Variants in CABP7 observed in about 807,000 individuals in gnomAD.
CABP7 encodes the protein calcium binding protein 7.
CABP7 carries 13 observed loss-of-function variants against 23.1 expected under a neutral mutation model. The observed-to-expected ratio is 0.56, with a 90% CI of 0.37 to 0.90. The LOEUF (loss-of-function observed/expected upper bound fraction) is 0.90. CABP7 is among the 40% of genes least tolerant of loss of function. The probability of loss-of-function intolerance (pLI) is 0.01; values close to 1 mark genes in which losing one functional copy is unlikely to be tolerated. For missense variants in CABP7, 248 were observed against 295.6 expected (o/e 0.84, Z 1.18); for synonymous variants, 123 against 115.3 (o/e 1.07, Z -0.43).
chr22:29,726,886 G>A (rs1450893730), intron 1 of CABP7, among the ~76,000 whole-genome samples: 1 of 152,242 alleles, frequency 6.6e-6, no homozygotes, highest in African/African-American at 2.4e-5. Context: ...CTGTGTGCCA[G>A]GGAGTCCCCA....
At chr22:29,723,299 G>A (rs917942174) in intron 1 of CABP7, among the ~76,000 whole-genome samples, 1 of 152,128 alleles carries the variant, frequency 6.6e-6, no homozygotes, top group African/African-American at 2.4e-5. Flanking sequence ...AGGGCAGTTG[G>A]CAGGGTAGGA....
In CABP7 at chr22:29,729,467, G is replaced by C; in HGVS notation, c.546G>C (p.Gln182His). The C allele has an allele frequency of 6.2e-7, 1 of 1,611,498 alleles. No homozygotes were observed. Among genetic ancestry groups the C allele is most frequent in the South Asian group, 1.1e-5 (1 of 91,084 alleles). The change falls in exon 5 of 5, where the codon CAG (glutamine) becomes CAC (histidine). Residue 182 changes from glutamine to histidine, a missense_variant. Coordinates refer to ENST00000216144, the MANE Select transcript of CABP7 (RefSeq NM_182527.3). ...VETCSNQQIR[Q>H]TCVRKSLICA... is the part of the protein sequence containing the mutation. The stretch of plus-strand genomic sequence containing the variant: ...CCTGCTCCAACCAGCAGATCCGCCA[G>C]ACTTGCGTGCGCAAGAGTCTCATCT...
intron 2 of CABP7, among the ~76,000 whole-genome samples, chr22:29,728,341 T>C (rs974735965): frequency 7.2e-5 from 11 of 152,240 alleles, no homozygotes; most frequent in Admixed American, 5.2e-4. Flanking sequence ...CGCAGGGTGC[T>C]GGGAGCAACG....
At chr22:29,723,999 G>A (rs1346611747) in intron 1 of CABP7, among the ~76,000 whole-genome samples, 2 of 152,220 alleles carry the variant, frequency 1.3e-5, no homozygotes, top group African/African-American at 4.8e-5. Context: ...TGGAAACCTG[G>A]TGGCCCTGCC....
Position 29,724,148 on chromosome 22 carries a change from C to T in CABP7, c.110-3514C>T, listed in dbSNP as rs150491607. The stretch of plus-strand genomic sequence containing the variant: ...ATGGCACAACGGTGGCAGGAAATCA[C>T]GACACCTGCCCCACTCAGGGAGCCC... On this transcript the variant is annotated intron_variant, in intron 1 of 4. Transcript: ENST00000216144. 1.6e-3 allele frequency among the ~76,000 whole-genome samples: 246 copies of T among 152,342 alleles called. 1 individual carries two copies. Among genetic ancestry groups the T allele is most frequent in the African/African-American group, 5.8e-3 (240 of 41,586 alleles).
At chr22:29,722,093 C>A (rs940456891) in intron 1 of CABP7, among the ~76,000 whole-genome samples, 3 of 152,160 alleles carry the variant, frequency 2.0e-5, no homozygotes, top group Admixed American at 6.5e-5. Flanking sequence ...TCCTGACCAT[C>A]CAAGCAGGAG....
Position 29,729,486 on chromosome 22 carries a change from C to A in CABP7, c.565C>A (p.Leu189Ile). ...CCGCCAGACTTGCGTGCGCAAGAGT[C>A]TCATCTGCGCCTTCGCCATCGCCTT... ...QIRQTCVRKS[L>I]ICAFAIAFII... Residue 189 changes from leucine (L) to isoleucine (I), a missense_variant, in exon 5 of 5, where the codon CTC becomes ATC. Physicochemically the swap from Leu to Ile is conservative, Grantham distance 5. Transcript: ENST00000216144. 6.2e-7 allele frequency: 1 copy of A among 1,612,298 alleles called. No homozygotes were observed. Among genetic ancestry groups the A allele is most frequent in the Non-Finnish European group, 8.5e-7 (1 of 1,179,996 alleles).
At position 29,731,254 on chromosome 22, in the gene CABP7, G is replaced by A; in HGVS notation, c.*1685G>A. ...CCCCACTGGACTCTGGGCTGCAGAG[G>A]CCACCCCCCAGGTGGGGGTGCCCGC... is the stretch of plus-strand genomic sequence containing the variant. On this transcript the variant is annotated 3_prime_UTR_variant, in exon 5 of 5. Transcript: ENST00000216144. 4 of 1,514,148 alleles carry A rather than the reference G, an allele frequency of 2.6e-6. No individual in the cohort carries two copies. The highest frequency in any genetic ancestry group is 3.5e-6 in the Non-Finnish European group (4 of 1,144,764). 93.8% of individuals were successfully genotyped at this position (1,514,148 alleles called of 1,614,324 possible).
intron 1 of CABP7, among the ~76,000 whole-genome samples, chr22:29,725,974 C>T (rs557931933): frequency 2.8e-4 from 42 of 152,324 alleles, no homozygotes; most frequent in African/African-American, 7.9e-4. Flanking sequence ...GCTCACACAT[C>T]CCCTGTGACG....
intron 1 of CABP7, among the ~76,000 whole-genome samples, chr22:29,721,046 C>T (rs2067758370): frequency 6.6e-6 from 1 of 152,184 alleles, no homozygotes; most frequent in Non-Finnish European, 1.5e-5. Flanking sequence ...GGGGCCGCCC[C>T]CGTCCCCACC....
intron 1 of CABP7, among the ~76,000 whole-genome samples, chr22:29,723,905 C>A (rs1159311086): frequency 6.6e-6 from 1 of 152,164 alleles, no homozygotes; most frequent in Admixed American, 6.5e-5. Context: ...CTGCTGGGGA[C>A]TTGGGCCCTG....
rs959815171 is a variant in CABP7, at chr22:29,729,795, C to T, written c.*226C>T. 1.0e-5 allele frequency: 6 copies of T among 593,778 alleles called. No individual in the cohort carries two copies. In the African/African-American group the frequency reaches 1.1e-4, roughly 11 times the overall value. The allele number at this position is 593,778 out of a possible 1,614,324, so 36.8% of individuals were successfully genotyped here. On this transcript the variant is annotated 3_prime_UTR_variant, in exon 5 of 5. Coordinates refer to ENST00000216144, the MANE Select transcript of CABP7 (RefSeq NM_182527.3). The stretch of plus-strand genomic sequence containing the variant: ...GCTCTGAGGATGGTCCCCAGCCCCA[C>T]CCTGTCCCCACCCTGGCCTGTAAGG...
chr22:29,726,448 G>A (rs1228524166), intron 1 of CABP7, among the ~76,000 whole-genome samples: 3 of 152,188 alleles, frequency 2.0e-5, no homozygotes, highest in Non-Finnish European at 4.4e-5. Context: ...CAGTTTCAGG[G>A]TTCATGGACC....
At chr22:29,729,418 G>A (rs779073707) in intron 4 of CABP7, 24 bp from the exon 5 acceptor site, 4 of 1,606,808 alleles carry the variant, frequency 2.5e-6, no homozygotes, top group African/African-American at 1.3e-5. Context: ...CTGTCTCCCC[G>A]GTGCTCCCGG....
intron 2 of CABP7, 125 bp from the exon 3 acceptor site, chr22:29,728,505 C>T (rs888947509): frequency 3.4e-5 from 21 of 610,018 alleles, no homozygotes; most frequent in Admixed American, 3.1e-4. Context: ...TCAGAGAAGG[C>T]GGGCACCTGC....
chr22:29,729,471 T>C lies in CABP7; in HGVS notation c.550T>C (p.Cys184Arg), dbSNP rs1380737079. 1 of 1,611,684 alleles carries C rather than the reference T, an allele frequency of 6.2e-7. No homozygotes were observed. The highest frequency in any genetic ancestry group is 8.5e-7 in the Non-Finnish European group (1 of 1,179,984). The change falls in exon 5 of 5, where the codon TGC becomes CGC. Residue 184 changes from cysteine (C) to arginine (R), a missense_variant. Coordinates refer to ENST00000216144, the MANE Select transcript of CABP7 (RefSeq NM_182527.3). ...CTCCAACCAGCAGATCCGCCAGACT[T>C]GCGTGCGCAAGAGTCTCATCTGCGC... ...TCSNQQIRQT[C>R]VRKSLICAFA... is the part of the protein sequence containing the mutation.
At chr22:29,728,304 G>A (rs2067810631) in intron 2 of CABP7, among the ~76,000 whole-genome samples, 1 of 152,164 alleles carries the variant, frequency 6.6e-6, no homozygotes, top group Non-Finnish European at 1.5e-5. Context: ...TGTCTATATG[G>A]TGGAGGATGG....
At position 29,720,342 on chromosome 22, in the gene CABP7, T is replaced by A; in HGVS notation, c.-83T>A. 1 of 689,280 alleles carries A rather than the reference T, an allele frequency of 1.5e-6. No homozygotes were observed. The highest frequency in any genetic ancestry group is 2.0e-5 in the African/African-American group (1 of 49,538). 42.7% of individuals were successfully genotyped at this position (689,280 alleles called of 1,614,324 possible). ...CTCCGCAGCCGCGCGCCCCGCCCGCTCCAGCCGCCCCCGGGGCCGCCACCG... is the reference window on the plus strand; with the variant it reads ...CTCCGCAGCCGCGCGCCCCGCCCGCACCAGCCGCCCCCGGGGCCGCCACCG... On this transcript the variant is annotated 5_prime_UTR_variant, in exon 1 of 5. Coordinates refer to ENST00000216144, the MANE Select transcript of CABP7 (RefSeq NM_182527.3). The surrounding 1 kb of genome is among the most constrained non-coding windows in gnomAD (Gnocchi z 5.2).
rs1218558574 is a variant in CABP7, at chr22:29,729,107, C to A, written c.419C>A (p.Thr140Asn). ...GAGCTGAAGCGGCTGCTCTACGACA[C>A]CTTCTGCGAGCACCTGTCCATGAAG... The part of the protein sequence containing the change: ...VDELKRLLYD[T>N]FCEHLSMKDI... Residue 140 changes from threonine to asparagine, a missense_variant, in exon 4 of 5, where the codon ACC (threonine) becomes AAC (asparagine). Thr to Asn is a moderately conservative substitution (Grantham distance 65, BLOSUM62 0). Transcript: ENST00000216144. 3.7e-6 allele frequency: 6 copies of A among 1,611,450 alleles called. No homozygotes were observed. In the African/African-American group the frequency reaches 6.7e-5, roughly 18 times the overall value.
Sources: allele counts gnomAD v4.1 joint callset (sites outside exome capture counted in the v4.1 genomes callset), GRCh38; gene constraint gnomAD v4.1.1; non-coding constraint Gnocchi (gnomAD v3.1); transcripts MANE v1.5; gene names NCBI Gene and HGNC (gene_info 2026-07-23, HGNC 2026-07-21).